The following GUCY1A2 variants were observed in gnomAD, a reference collection of about 807,000 sequenced individuals.
The protein encoded by GUCY1A2 is guanylate cyclase 1 soluble subunit alpha 2, also known as guanylate cyclase soluble subunit alpha-2.
In GUCY1A2, 27 loss-of-function variants were observed where a neutral mutation model predicts 63.5. The ratio of observed to expected loss-of-function variants is 0.43; its 90% CI spans 0.31 to 0.59. GUCY1A2 has a LOEUF of 0.59. GUCY1A2 is among the 20% of genes least tolerant of loss of function. GUCY1A2 has a pLI of 0.11. For synonymous variants in GUCY1A2, 364 were observed against 343.5 expected (o/e 1.06, Z -0.66); for missense variants, 768 against 913.3 (o/e 0.84, Z 2.05).
intron 4 of GUCY1A2, among the ~76,000 whole-genome samples, chr11:106,849,207 A>G (rs1034380685): frequency 6.6e-6 from 1 of 151,440 alleles, no homozygotes; most frequent in African/African-American, 2.4e-5. Flanking sequence ...TCTACTACCC[A>G]ACTAGAAACA....
chr11:106,795,251 G>A (rs898144081), intron 5 of GUCY1A2, among the ~76,000 whole-genome samples: 3 of 151,984 alleles, frequency 2.0e-5, no homozygotes, highest in African/African-American at 7.2e-5. Context: ...ACTGTCATAG[G>A]CAACTACAAC....
At chr11:106,856,832 A>G (rs1218682292) in intron 4 of GUCY1A2, among the ~76,000 whole-genome samples, 1 of 152,152 alleles carries the variant, frequency 6.6e-6, no homozygotes, top group African/African-American at 2.4e-5. Context: ...TAGAAGGCAG[A>G]GCTCTGCCAA....
intron 4 of GUCY1A2, among the ~76,000 whole-genome samples, chr11:106,816,660 A>T (rs969470416): frequency 4.0e-5 from 6 of 151,870 alleles, no homozygotes; most frequent in Admixed American, 3.9e-4. Context: ...ATGAGCAAAA[A>T]AAAATGGTTT....
intron 5 of GUCY1A2, among the ~76,000 whole-genome samples, chr11:106,783,051 C>T (rs1345326398): frequency 1.3e-5 from 2 of 152,158 alleles, no homozygotes; most frequent in East Asian, 1.9e-4. Flanking sequence ...ACCAGCTTGC[C>T]ACCAGCCTTG....
rs574280459 is a variant in GUCY1A2 at position 106,697,289 on chromosome 11, T to A, written c.1992-9533A>T. Among the ~76,000 whole-genome samples the A allele has an allele frequency of 2.3e-4, 35 of 152,342 alleles. No homozygotes were observed. The South Asian group carries it at 4.6e-3, about 20-fold the overall frequency. ...AGAGCTGCAGAAAGGATTCTTAACA[T>A]AGCATTTAGAGCAATCAGATTTTTC... On this transcript the variant is annotated intron_variant, in intron 7 of 7. Coordinates refer to ENST00000526355, the MANE Select transcript of GUCY1A2 (RefSeq NM_000855.3).
chr11:106,909,153 G>T (rs1256727804), intron 4 of GUCY1A2, among the ~76,000 whole-genome samples: 7 of 151,804 alleles, frequency 4.6e-5, no homozygotes, highest in Non-Finnish European at 8.8e-5. Flanking sequence ...AATAAATTTT[G>T]TGCACTACAT....
chr11:106,707,927 A>G (rs545429168), intron 7 of GUCY1A2, among the ~76,000 whole-genome samples: 1 of 152,262 alleles, frequency 6.6e-6, no homozygotes, highest in East Asian at 1.9e-4. Flanking sequence ...GAGAACCAAC[A>G]CGATACTGAA....
chr11:106,998,861 ATATTAT>A (rs1861574967), intron 1 of GUCY1A2, among the ~76,000 whole-genome samples: 1 of 152,158 alleles, frequency 6.6e-6, no homozygotes, highest in Non-Finnish European at 1.5e-5. Flanking sequence ...AAAATGCTAT[ATATTAT>A]TATTTTGTTT....
chr11:106,981,998 T>C (rs973525508), intron 2 of GUCY1A2, among the ~76,000 whole-genome samples: 1 of 152,228 alleles, frequency 6.6e-6, no homozygotes, highest in Non-Finnish European at 1.5e-5. Context: ...CCAGGTACTA[T>C]GCTAACTACT....
intron 4 of GUCY1A2, chr11:106,826,672 A>G: frequency 6.2e-7 from 1 of 1,609,262 alleles, no homozygotes; most frequent in Non-Finnish European, 8.5e-7. Context: ...CACATGAGCA[A>G]ACAGTTCAAA....
At chr11:106,959,025 T>C (rs1043742474) in intron 3 of GUCY1A2, among the ~76,000 whole-genome samples, 4 of 152,206 alleles carry the variant, frequency 2.6e-5, no homozygotes, top group African/African-American at 4.8e-5. Flanking sequence ...ACTGCTTCTT[T>C]AGCATCGTGG....
Position 106,678,125 on chromosome 11 carries a change from C to A in GUCY1A2, c.*9424G>T, listed in dbSNP as rs1052404590. On this transcript the variant is annotated 3_prime_UTR_variant, in exon 8 of 8. Coordinates refer to ENST00000526355, the MANE Select transcript of GUCY1A2 (RefSeq NM_000855.3). Reference sequence around the variant, plus strand: ...CAGGAACAAAAATTAAAGAATTTTTCTAAAAGTCCCCCTGAATTACTTTAG... The same window carrying A: ...CAGGAACAAAAATTAAAGAATTTTTATAAAAGTCCCCCTGAATTACTTTAG... The A allele has an allele frequency of 9.6e-5, 19 of 197,782 alleles. No individual in the cohort carries two copies. Among genetic ancestry groups the A allele is most frequent in the African/African-American group, 4.4e-4 (19 of 43,520 alleles). The allele number at this position is 197,782 out of a possible 1,614,324, so 12.3% of individuals were successfully genotyped here. A position where few individuals can be genotyped will look rare whatever the true frequency, so the allele number is the denominator to read the frequency against.
At chr11:106,844,474 TTGAAACCTTACTC>T (rs984363351) in intron 4 of GUCY1A2, among the ~76,000 whole-genome samples, 4 of 151,868 alleles carry the variant, frequency 2.6e-5, no homozygotes, top group Admixed American at 6.6e-5. Context: ...GATATCAAAA[TTGAAACCTTACTC>T]TGATCTGAAG....
At chr11:106,723,125 C>T (rs1863347623) in intron 6 of GUCY1A2, among the ~76,000 whole-genome samples, 1 of 152,158 alleles carries the variant, frequency 6.6e-6, no homozygotes, top group Admixed American at 6.6e-5. Flanking sequence ...ATGATTGTTT[C>T]CTCTGACTGT....
chr11:106,827,789 T>A (rs111322042), intron 4 of GUCY1A2: 2 of 1,561,750 alleles, frequency 1.3e-6, no homozygotes. Context: ...TATCTTCTGA[T>A]GGAAAGTGAG....
intron 4 of GUCY1A2, among the ~76,000 whole-genome samples, chr11:106,900,065 G>A (rs1179173073): frequency 5.1e-5 from 7 of 135,946 alleles, no homozygotes; most frequent in Non-Finnish European, 7.6e-5. Flanking sequence ...CAGCCTAGGC[G>A]ACAGAGCGAG....
intron 6 of GUCY1A2, among the ~76,000 whole-genome samples, chr11:106,749,489 G>T (rs1863848457): frequency 6.6e-6 from 1 of 152,004 alleles, no homozygotes; most frequent in Admixed American, 6.6e-5. Flanking sequence ...CTACTGGACT[G>T]TTCTTAGGAG....
At chr11:106,942,909 G>A (rs1272321652) in intron 3 of GUCY1A2, among the ~76,000 whole-genome samples, 1 of 151,958 alleles carries the variant, frequency 6.6e-6, no homozygotes, top group African/African-American at 2.4e-5. Flanking sequence ...TGATGCTAAG[G>A]AATACCAGAT....
At chr11:106,945,547 G>A (rs73553869) in intron 3 of GUCY1A2, among the ~76,000 whole-genome samples, 5,241 of 152,264 alleles carry the variant, frequency 0.034, 303 homozygotes, top group African/African-American at 0.12. Flanking sequence ...TGATGTATGT[G>A]TACATATACA....
Sources: gnomAD v4.1 joint callset for allele counts (sites outside exome capture counted in the v4.1 genomes callset) on GRCh38, gnomAD v4.1.1 for gene constraint, MANE v1.5 for transcripts, NCBI Gene and HGNC (gene_info 2026-07-23, HGNC 2026-07-21) for gene names.